HS1BP3: variants seen among roughly 807,000 people sequenced by gnomAD.
The protein encoded by HS1BP3 is HCLS1-binding protein 3.
HS1BP3 carries 32 observed loss-of-function variants against 33.5 expected under a neutral mutation model. That is an observed-to-expected ratio of 0.95 (90% CI 0.72 to 1.28). HS1BP3 has a LOEUF of 1.28. Ranked by LOEUF, HS1BP3 falls within the 50% of genes most tolerant of loss-of-function variation. The pLI, the probability that HS1BP3 is intolerant of heterozygous loss-of-function variation, is 0.00. For synonymous variants in HS1BP3, 187 were observed against 209.2 expected (o/e 0.89, Z 0.92); for missense variants, 486 against 502.3 (o/e 0.97, Z 0.31).
rs928633984 is a variant in HS1BP3 at position 20,618,391 on chromosome 2, C to T, written c.*596G>A. 1.3e-5 allele frequency: 2 copies of T among 153,274 alleles called. No individual in the cohort carries two copies. Among genetic ancestry groups the T allele is most frequent in the African/African-American group, 4.8e-5 (2 of 41,454 alleles). 9.5% of individuals were successfully genotyped at this position (153,274 alleles called of 1,614,324 possible). A position where few individuals can be genotyped will look rare whatever the true frequency, so the allele number is the denominator to read the frequency against. On this transcript the variant is annotated 3_prime_UTR_variant, in exon 7 of 7. Transcript: ENST00000304031. ...CTCAGTATTCCTCTCCTGGGAGACC[C>T]ACCCAGACCCTGCAGGCCCCTGGCA...
chr2:20,602,186 AAC>A (rs1472663398), intron 2 of HS1BP3, among the ~76,000 whole-genome samples: 1 of 151,100 alleles, frequency 6.6e-6, no homozygotes, highest in East Asian at 2.0e-4. Flanking sequence ...GATAAATTCA[AAC>A]ACATTCTCCT....
chr2:20,588,390 C>T, downstream of HS1BP3, among the ~76,000 whole-genome samples: 1 of 152,198 alleles, frequency 6.6e-6, no homozygotes, highest in East Asian at 1.9e-4. Context: ...CATCTCAGCT[C>T]ACTGCAACCT....
At chr2:20,575,963 C>T (rs549607061) in intron 5 of HS1BP3, among the ~76,000 whole-genome samples, 1 of 152,238 alleles carries the variant, frequency 6.6e-6, no homozygotes, top group South Asian at 2.1e-4. Flanking sequence ...ACCTGAAAAA[C>T]CTGTCCCACC....
chr2:20,608,574 CAAAAA>C (rs60486220), intron 2 of HS1BP3, among the ~76,000 whole-genome samples: 3 of 96,386 alleles, frequency 3.1e-5, no homozygotes, highest in Non-Finnish European at 2.1e-5. Context: ...AACTCCGTCT[CAAAAA>C]AAAAAAAAAA....
Position 20,618,759 on chromosome 2 carries a change from G to T in HS1BP3, c.*228C>A. On this transcript the variant is annotated 3_prime_UTR_variant, in exon 7 of 7. Transcript: ENST00000304031. ...ATGTCCACGGGGAATAAGACACATT[G>T]GGCTCTGGCTCCTAGGGTGAGAGCC... 22 of 1,343,172 alleles carry T rather than the reference G, an allele frequency of 1.6e-5. No individual in the cohort carries two copies. The highest frequency in any genetic ancestry group is 1.9e-4 in the Middle Eastern group (1 of 5,186). The allele number at this position is 1,343,172 out of a possible 1,614,324, so 83.2% of individuals were successfully genotyped here.
intron 2 of HS1BP3, among the ~76,000 whole-genome samples, chr2:20,601,648 A>G (rs1397079114): frequency 6.6e-6 from 1 of 152,070 alleles, no homozygotes; most frequent in African/African-American, 2.4e-5. Context: ...GCCGCCATGT[A>G]AGAGGTCCCT....
downstream of HS1BP3, among the ~76,000 whole-genome samples, chr2:20,588,692 C>T (rs1693740761): frequency 6.6e-6 from 1 of 152,212 alleles, no homozygotes. Context: ...CCTGGGAGCA[C>T]ACATCAGCCC....
intron 5 of HS1BP3, among the ~76,000 whole-genome samples, chr2:20,572,263 C>T (rs1449481283): frequency 6.6e-6 from 1 of 152,176 alleles, no homozygotes; most frequent in East Asian, 1.9e-4. Flanking sequence ...CCTTCCAGCT[C>T]AGAACACCAA....
intron 5 of HS1BP3, among the ~76,000 whole-genome samples, chr2:20,569,104 A>C (rs1376778458): frequency 6.6e-6 from 1 of 152,154 alleles, no homozygotes; most frequent in Admixed American, 6.5e-5. Flanking sequence ...AGCCCAGCCC[A>C]GCCTGCCTGG....
chr2:20,615,683 A>T (rs1202859826), downstream of HS1BP3, among the ~76,000 whole-genome samples: 1 of 152,224 alleles, frequency 6.6e-6, no homozygotes, highest in African/African-American at 2.4e-5. Flanking sequence ...AGAAATGGGA[A>T]TGACCCTCCA....
chr2:20,608,860 A>G (rs1694256685), intron 2 of HS1BP3, among the ~76,000 whole-genome samples: 1 of 152,052 alleles, frequency 6.6e-6, no homozygotes, highest in African/African-American at 2.4e-5. Context: ...CGGAGTTCCT[A>G]TGCCTCACTC....
At chr2:20,598,249 C>T in exon 3 of HS1BP3, 1 of 428,300 alleles carries the variant, frequency 2.3e-6, no homozygotes, top group South Asian at 1.7e-5. Flanking sequence ...TGTTTGCCTG[C>T]AACTAGATGG....
chr2:20,559,255 A>C (rs540606791), downstream of HS1BP3, among the ~76,000 whole-genome samples: 1 of 152,300 alleles, frequency 6.6e-6, no homozygotes, highest in African/African-American at 2.4e-5. Flanking sequence ...TCCTCCAGGC[A>C]GGTTGGAATT....
At chr2:20,593,815 A>G (rs1282627012) in intron 3 of HS1BP3, among the ~76,000 whole-genome samples, 1 of 152,138 alleles carries the variant, frequency 6.6e-6, no homozygotes, top group Non-Finnish European at 1.5e-5. Flanking sequence ...GGGATGGAAG[A>G]GTGGGTCCTT....
downstream of HS1BP3, among the ~76,000 whole-genome samples, chr2:20,558,033 G>A (rs1692882792): frequency 6.6e-6 from 1 of 152,234 alleles, no homozygotes; most frequent in Non-Finnish European, 1.5e-5. Flanking sequence ...TCCAGACTTA[G>A]CATCCCCAGA....
intron 3 of HS1BP3, among the ~76,000 whole-genome samples, chr2:20,597,466 G>A (rs1352206070): frequency 3.9e-5 from 6 of 152,078 alleles, no homozygotes; most frequent in African/African-American, 1.2e-4. Flanking sequence ...CACCTTCCAC[G>A]TTGGCGTTCT....
intron 5 of HS1BP3, among the ~76,000 whole-genome samples, chr2:20,562,126 GC>G (rs1260665591): frequency 6.6e-6 from 1 of 152,048 alleles, no homozygotes; most frequent in Non-Finnish European, 1.5e-5. Context: ...CCCATGCCTC[GC>G]CCTAGGCATC....
chr2:20,558,443 A>T (rs566525861), downstream of HS1BP3, among the ~76,000 whole-genome samples: 19 of 152,206 alleles, frequency 1.2e-4, 2 homozygotes, highest in South Asian at 3.9e-3. Context: ...AGCATCTTTG[A>T]GGTCAGTGGG....
At chr2:20,643,916 G>T (rs1237326115) in intron 2 of HS1BP3, among the ~76,000 whole-genome samples, 3 of 152,192 alleles carry the variant, frequency 2.0e-5, no homozygotes. Context: ...CTGGGGAACA[G>T]AGGGAGATCC....
Sources: gnomAD v4.1 joint callset for allele counts (sites outside exome capture counted in the v4.1 genomes callset) on GRCh38, gnomAD v4.1.1 for gene constraint, MANE v1.5 for transcripts, NCBI Gene and HGNC (gene_info 2026-07-23, HGNC 2026-07-21) for gene names.